Variants in TRPM8 observed in about 807,000 individuals in gnomAD.
The protein encoded by TRPM8 is TRPM8 cationic channel.
A neutral mutation model predicts 133.7 loss-of-function variants in TRPM8; 110 were observed. That is an observed-to-expected ratio of 0.82 (90% CI 0.70 to 0.96). TRPM8 has a LOEUF of 0.96. TRPM8 is among the 40% of genes least tolerant of loss of function. The pLI is 0.00. For missense variants in TRPM8, 1,291 were observed against 1,379.5 expected, an observed-to-expected ratio of 0.94 and a Z score of 1.02; for synonymous variants, 535 against 532.3, an observed-to-expected ratio of 1.01 and a Z score of -0.07.
intron 9 of TRPM8, among the ~76,000 whole-genome samples, chr2:233,952,725 G>A (rs570105883): frequency 4.6e-5 from 7 of 152,144 alleles, no homozygotes; most frequent in Non-Finnish European, 7.4e-5. Flanking sequence ...TGGGGCAGAG[G>A]ATGGAGGAGG....
chr2:233,944,484 C>G (rs4663988), intron 6 of TRPM8, among the ~76,000 whole-genome samples: 16 of 151,990 alleles, frequency 1.1e-4, no homozygotes, highest in Non-Finnish European at 2.2e-4. Context: ...AGGCTGTTTA[C>G]AGAGCCCATT....
intron 3 of TRPM8, among the ~76,000 whole-genome samples, chr2:233,935,479 C>T (rs183135223): frequency 5.9e-5 from 9 of 151,400 alleles, no homozygotes; most frequent in Middle Eastern, 3.4e-3. Flanking sequence ...GTCTAGAACA[C>T]GGATAAGAGT....
chr2:233,932,227 T>C (rs1691694770), intron 3 of TRPM8, among the ~76,000 whole-genome samples: 1 of 152,250 alleles, frequency 6.6e-6, no homozygotes, highest in Non-Finnish European at 1.5e-5. Flanking sequence ...ACTCTGTCTC[T>C]TTCCACCTGT....
chr2:233,923,716 T>C (rs1691455898), intron 1 of TRPM8, among the ~76,000 whole-genome samples: 1 of 152,222 alleles, frequency 6.6e-6, no homozygotes, highest in African/African-American at 2.4e-5. Flanking sequence ...TTGAGACTTC[T>C]AGTCTCAGCT....
intron 17 of TRPM8, among the ~76,000 whole-genome samples, chr2:233,978,855 A>T (rs1275985960): frequency 1.3e-5 from 2 of 152,056 alleles, no homozygotes. Context: ...TAGTGCCCTC[A>T]CCCCCTTGGC....
At chr2:233,974,257 T>C (rs1365523125) in intron 17 of TRPM8, among the ~76,000 whole-genome samples, 4 of 152,172 alleles carry the variant, frequency 2.6e-5, no homozygotes, top group African/African-American at 9.6e-5. Context: ...TTTTTGAGAC[T>C]GTATCTTGCT....
At position 233,989,092 on chromosome 2, in the gene TRPM8, A is replaced by G. The variant is rs553089167; in HGVS notation, c.2939+3227A>G. Among the ~76,000 whole-genome samples the G allele has an allele frequency of 1.1e-3, 171 of 152,338 alleles. No homozygotes were observed. The highest frequency in any genetic ancestry group is 1.7e-3 in the Non-Finnish European group (113 of 68,030). The stretch of plus-strand genomic sequence containing the variant: ...AGTTATGCTAACTTGGTAAATCTCA[A>G]CGAGGCACATGGTAAAATATTTAGA... On this transcript the variant is annotated intron_variant, in intron 21 of 25. Transcript: ENST00000324695. The surrounding 1 kb of genome is among the most constrained non-coding windows in gnomAD (Gnocchi z 4.2).
At chr2:234,012,293 G>A (rs929906662) in intron 24 of TRPM8, among the ~76,000 whole-genome samples, 10 of 151,778 alleles carry the variant, frequency 6.6e-5, no homozygotes, top group Non-Finnish European at 1.2e-4. Context: ...GATTACAGGC[G>A]TGCACCACCA....
intron 9 of TRPM8, among the ~76,000 whole-genome samples, chr2:233,951,652 T>C (rs1165577183): frequency 6.6e-6 from 1 of 152,232 alleles, no homozygotes; most frequent in African/African-American, 2.4e-5. Context: ...TATATTATCC[T>C]TTCTGCAATT....
chr2:233,946,782 G>A (rs1265691056), intron 7 of TRPM8, among the ~76,000 whole-genome samples: 1 of 152,184 alleles, frequency 6.6e-6, no homozygotes, highest in Non-Finnish European at 1.5e-5. Context: ...ATTATTATAA[G>A]GATAAACTTA....
At chr2:233,953,093 G>A (rs1691207150) in intron 9 of TRPM8, among the ~76,000 whole-genome samples, 1 of 152,054 alleles carries the variant, frequency 6.6e-6, no homozygotes, top group African/African-American at 2.4e-5. Flanking sequence ...CACCTACCTG[G>A]GTGCTTTGAA....
intron 9 of TRPM8, among the ~76,000 whole-genome samples, chr2:233,950,681 G>A (rs1461633003): frequency 1.3e-5 from 2 of 152,226 alleles, no homozygotes; most frequent in Non-Finnish European, 2.9e-5. Context: ...AAGGTGCAAA[G>A]CCCAGTGAGA....
chr2:233,920,088 T>C (rs967266067), intron 1 of TRPM8, among the ~76,000 whole-genome samples: 12 of 152,194 alleles, frequency 7.9e-5, no homozygotes, highest in African/African-American at 2.9e-4. Flanking sequence ...TGTCTCATGC[T>C]CTTGAGGTGG....
intron 4 of TRPM8, among the ~76,000 whole-genome samples, chr2:233,938,175 G>C (rs1184198930): frequency 6.6e-6 from 1 of 152,198 alleles, no homozygotes; most frequent in Non-Finnish European, 1.5e-5. Flanking sequence ...CCACCTCCCT[G>C]TGGCCTCAGC....
At position 233,955,253 on chromosome 2, in the gene TRPM8, A is replaced by G. The variant is rs1344571636; in HGVS notation, c.1362+3A>G. 20 of 1,609,198 alleles carry G rather than the reference A, an allele frequency of 1.2e-5. No individual in the cohort carries two copies. The highest frequency in any genetic ancestry group is 1.7e-5 in the Non-Finnish European group (20 of 1,175,570). Reference sequence around the variant, plus strand: ...TCACCAATGACCGCCGATGGGAGGTAAGCACGAAGCTCTCCTGGGTTATTC... The same window carrying G: ...TCACCAATGACCGCCGATGGGAGGTGAGCACGAAGCTCTCCTGGGTTATTC... On this transcript the variant is annotated splice_donor_region_variant and intron_variant, in intron 11 of 25. Coordinates refer to ENST00000324695, the MANE Select transcript of TRPM8 (RefSeq NM_024080.5).
chr2:234,012,387 C>T (rs1692861150), intron 24 of TRPM8, among the ~76,000 whole-genome samples: 1 of 151,874 alleles, frequency 6.6e-6, no homozygotes, highest in South Asian at 2.1e-4. Context: ...ACCTTGTGAT[C>T]TGCCTGCCTT....
chr2:233,942,507 G>A, intron 5 of TRPM8, 69 bp from the exon 6 acceptor site: 3 of 1,519,490 alleles, frequency 2.0e-6, no homozygotes, highest in Non-Finnish European at 2.7e-6. Context: ...TATTTTAGGG[G>A]TCTGTGAGCC....
intron 24 of TRPM8, among the ~76,000 whole-genome samples, chr2:234,012,154 GTT>G (rs34984521): frequency 0.14 from 19,072 of 140,424 alleles, 1,669 homozygotes; most frequent in African/African-American, 0.27. Context: ...AGTTCTAACA[GTT>G]TTTTTTTTTT....
intron 1 of TRPM8, among the ~76,000 whole-genome samples, chr2:233,918,857 G>A (rs1443989744): frequency 2.0e-5 from 3 of 152,134 alleles, no homozygotes; most frequent in African/African-American, 7.2e-5. Context: ...TCTGGATGGT[G>A]TCATTTATAT....
Sources: gnomAD v4.1 joint callset for allele counts (sites outside exome capture counted in the v4.1 genomes callset) on GRCh38, gnomAD v4.1.1 for gene constraint, Gnocchi (gnomAD v3.1) non-coding constraint, MANE v1.5 for transcripts, NCBI Gene and HGNC (gene_info 2026-07-23, HGNC 2026-07-21) for gene names.